The following PRKG1 variants were observed in gnomAD, a reference collection of about 807,000 sequenced individuals.
The protein encoded by PRKG1 is cGMP-dependent protein kinase 1.
In PRKG1, 35 loss-of-function variants were observed where a neutral mutation model predicts 88.1. That is an observed-to-expected ratio of 0.40 (90% CI 0.30 to 0.53). PRKG1 has a LOEUF of 0.53. Among genes scored for constraint, PRKG1 ranks in the 20% least tolerant of loss-of-function variants. PRKG1 has a pLI of 0.59. For missense variants in PRKG1, 540 were observed against 839.8 expected, an observed-to-expected ratio of 0.64 and a Z score of 4.41; for synonymous variants, 303 against 292.5, an observed-to-expected ratio of 1.04 and a Z score of -0.37.
intron 2 of PRKG1, among the ~76,000 whole-genome samples, chr10:51,327,647 C>T (rs541497924): frequency 2.6e-5 from 4 of 152,122 alleles, no homozygotes; most frequent in African/African-American, 9.7e-5. Context: ...CTACTACACA[C>T]CTAAGGTATG....
At chr10:52,167,227 A>G (rs1838504809) in intron 9 of PRKG1, among the ~76,000 whole-genome samples, 1 of 152,036 alleles carries the variant, frequency 6.6e-6, no homozygotes, top group Non-Finnish European at 1.5e-5. Flanking sequence ...GGCATATCAC[A>G]TGAAGAGAAA....
intron 3 of PRKG1, among the ~76,000 whole-genome samples, chr10:51,634,943 G>A (rs1839618156): frequency 6.6e-6 from 1 of 152,098 alleles, no homozygotes; most frequent in South Asian, 2.1e-4. Flanking sequence ...ATACTTGAGG[G>A]AGGTGGGTGG....
intron 1 of PRKG1, among the ~76,000 whole-genome samples, chr10:51,017,186 G>A (rs1286200694): frequency 6.6e-6 from 1 of 151,874 alleles, no homozygotes; most frequent in East Asian, 1.9e-4. Flanking sequence ...GCACTTCCTG[G>A]GAATCCCTCT....
intron 2 of PRKG1, among the ~76,000 whole-genome samples, chr10:51,367,870 A>C (rs1842622337): frequency 6.6e-6 from 1 of 151,966 alleles, no homozygotes; most frequent in Non-Finnish European, 1.5e-5. Context: ...CATTCAGAGC[A>C]CTCAAAGATC....
intron 9 of PRKG1, among the ~76,000 whole-genome samples, chr10:52,193,356 C>A (rs1362936800): frequency 2.0e-5 from 3 of 151,204 alleles, no homozygotes; most frequent in Non-Finnish European, 4.4e-5. Context: ...ACCAGCCTGG[C>A]CAAACATGGT....
At chr10:52,210,291 T>A (rs1839933309) in intron 9 of PRKG1, among the ~76,000 whole-genome samples, 1 of 151,904 alleles carries the variant, frequency 6.6e-6, no homozygotes, top group South Asian at 2.1e-4. Flanking sequence ...TGTTTGAAGC[T>A]TGTTAAGTCT....
At chr10:51,685,675 AAAGAC>A (rs1840969821) in intron 3 of PRKG1, among the ~76,000 whole-genome samples, 1 of 152,214 alleles carries the variant, frequency 6.6e-6, no homozygotes, top group Non-Finnish European at 1.5e-5. Flanking sequence ...TATTAAAATA[AAAGAC>A]TAGACAAAAA....
At chr10:51,732,122 C>T (rs1479204162) in intron 3 of PRKG1, among the ~76,000 whole-genome samples, 1 of 151,424 alleles carries the variant, frequency 6.6e-6, no homozygotes, top group Non-Finnish European at 1.5e-5. Flanking sequence ...TGCAGTGACA[C>T]AATCTTGGCT....
rs560771829 is a variant in PRKG1, at chr10:51,450,287, C to T, written c.479-17436C>T. 1.3e-5 allele frequency among the ~76,000 whole-genome samples: 2 copies of T among 151,960 alleles called. 1 individual carries two copies. The highest frequency in any genetic ancestry group is 4.2e-4 in the South Asian group (2 of 4,812). On this transcript the variant is annotated intron_variant, in intron 2 of 17. Coordinates refer to ENST00000373980, the MANE Select transcript of PRKG1 (RefSeq NM_006258.4). ...AGATAAAGTTTATATTTTATAGTTTCCATTTAAGAAGTATATCTAGTTTAT... is the reference window on the plus strand; with the variant it reads ...AGATAAAGTTTATATTTTATAGTTTTCATTTAAGAAGTATATCTAGTTTAT...
intron 2 of PRKG1, among the ~76,000 whole-genome samples, chr10:51,201,188 T>C (rs112074375): frequency 0.02 from 3,095 of 152,272 alleles, 48 homozygotes; most frequent in Middle Eastern, 0.051. Flanking sequence ...AGGACAGGCA[T>C]GGTGGCTCAT....
intron 4 of PRKG1, among the ~76,000 whole-genome samples, chr10:51,875,951 T>C (rs1217030980): frequency 6.6e-6 from 1 of 150,442 alleles, no homozygotes; most frequent in Non-Finnish European, 1.5e-5. Flanking sequence ...TTTCTTTCTT[T>C]CTTTTTTTTT....
At chr10:52,045,244 C>A (rs552367826) in intron 5 of PRKG1, among the ~76,000 whole-genome samples, 1 of 152,176 alleles carries the variant, frequency 6.6e-6, no homozygotes, top group Admixed American at 6.5e-5. Flanking sequence ...TCTATCCCCA[C>A]AATATCTGTC....
rs372994971 is a variant in PRKG1, at chr10:51,326,147, T to G, written c.479-141576T>G. On this transcript the variant is annotated intron_variant, in intron 2 of 17. Coordinates refer to ENST00000373980, the MANE Select transcript of PRKG1 (RefSeq NM_006258.4). ...GACCTGAAGCAGTTGAATAGACTTA[T>G]GATTATGTGTTTCTATTAAAGAACT... Among the ~76,000 whole-genome samples, 8 of 152,344 alleles carry G rather than the reference T, an allele frequency of 5.3e-5. No homozygotes were observed. In the East Asian group the frequency reaches 1.5e-3, roughly 29 times the overall value.
chr10:51,388,354 A>T (rs1168614556), intron 2 of PRKG1, among the ~76,000 whole-genome samples: 1 of 152,206 alleles, frequency 6.6e-6, no homozygotes, highest in Non-Finnish European at 1.5e-5. Flanking sequence ...CAGATCAAAG[A>T]TCAGATGCAA....
chr10:51,226,573 G>T (rs906558177), intron 2 of PRKG1, among the ~76,000 whole-genome samples: 1 of 152,048 alleles, frequency 6.6e-6, no homozygotes. Context: ...TGAAAACTTT[G>T]GTCTGGTTCA....
intron 5 of PRKG1, among the ~76,000 whole-genome samples, chr10:51,937,596 A>G (rs1039448793): frequency 6.6e-6 from 1 of 152,060 alleles, no homozygotes; most frequent in Non-Finnish European, 1.5e-5. Flanking sequence ...CTGCCTGTTT[A>G]TTTACTGTTT....
chr10:51,489,666 T>C (rs1337680050), intron 3 of PRKG1, among the ~76,000 whole-genome samples: 2 of 131,804 alleles, frequency 1.5e-5, no homozygotes, highest in African/African-American at 5.0e-5. Flanking sequence ...GGATTTGATA[T>C]TTTTATATCA....
At chr10:51,724,372 A>G (rs1374610146) in intron 3 of PRKG1, among the ~76,000 whole-genome samples, 1 of 152,144 alleles carries the variant, frequency 6.6e-6, no homozygotes, top group Non-Finnish European at 1.5e-5. Context: ...AAGAAGATAG[A>G]TTTCCTATAT....
At chr10:52,101,948 T>C (rs1847303273) in intron 7 of PRKG1, among the ~76,000 whole-genome samples, 1 of 152,174 alleles carries the variant, frequency 6.6e-6, no homozygotes, top group South Asian at 2.1e-4. Context: ...CTAACTCTAT[T>C]TTGTGCAAAT....
Sources: gnomAD v4.1 joint callset for allele counts (sites outside exome capture counted in the v4.1 genomes callset) on GRCh38, gnomAD v4.1.1 for gene constraint, MANE v1.5 for transcripts, NCBI Gene and HGNC (gene_info 2026-07-23, HGNC 2026-07-21) for gene names.